Variants in CCDC171 observed in about 807,000 individuals in gnomAD.
CCDC171 encodes the protein coiled-coil domain-containing protein 171.
A neutral mutation model predicts 168.2 loss-of-function variants in CCDC171; 177 were observed. The ratio of observed to expected loss-of-function variants is 1.05; its 90% CI spans 0.93 to 1.19. The LOEUF is 1.19. Among genes scored for constraint, CCDC171 ranks in the 50% most tolerant of loss-of-function variants. The pLI is 0.00. For synonymous variants in CCDC171, 687 were observed against 540.8 expected, an observed-to-expected ratio of 1.27 and a Z score of -3.75; for missense variants, 1,991 against 1,539.0, an observed-to-expected ratio of 1.29 and a Z score of -4.91.
intron 25 of CCDC171, among the ~76,000 whole-genome samples, chr9:15,950,424 C>G (rs1828998588): frequency 6.6e-6 from 1 of 152,132 alleles, no homozygotes; most frequent in African/African-American, 2.4e-5. Flanking sequence ...CAGCAGATGT[C>G]TTGGCAGAAA....
chr9:15,996,742 A>T (rs1322187010), intron 3 of CCDC171, among the ~76,000 whole-genome samples: 4 of 152,126 alleles, frequency 2.6e-5, no homozygotes, highest in Non-Finnish European at 4.4e-5. Flanking sequence ...GAGAATTAGT[A>T]CTGAAGTATA....
intron 21 of CCDC171, among the ~76,000 whole-genome samples, chr9:15,800,494 T>C (rs10962166): frequency 0.23 from 35,421 of 152,112 alleles, 4,241 homozygotes; most frequent in Non-Finnish European, 0.26. Flanking sequence ...TTGAGCTCCT[T>C]GTATATTCTA....
intron 21 of CCDC171, among the ~76,000 whole-genome samples, chr9:15,827,738 A>C (rs1042827711): frequency 6.6e-6 from 1 of 152,002 alleles, no homozygotes. Context: ...GCCCTAGATT[A>C]TGTTTCTTTT....
chr9:15,893,328 A>G (rs958802402), intron 24 of CCDC171, among the ~76,000 whole-genome samples: 2 of 151,850 alleles, frequency 1.3e-5, no homozygotes, highest in African/African-American at 4.9e-5. Flanking sequence ...AACTATAAAA[A>G]CCTTAGAAGA....
chr9:15,877,668 G>A (rs1182068072), intron 24 of CCDC171, among the ~76,000 whole-genome samples: 1 of 152,028 alleles, frequency 6.6e-6, no homozygotes, highest in Non-Finnish European at 1.5e-5. Context: ...CATTATAATA[G>A]TGAGAAGAAT....
Position 16,018,531 on chromosome 9 carries a change from G to A in CCDC171, n.369-2058G>A, listed in dbSNP as rs116055947. Among the ~76,000 whole-genome samples the A allele has an allele frequency of 8.4e-3, 1,281 of 151,988 alleles. 18 individuals are homozygous for A. The highest frequency in any genetic ancestry group is 0.029 in the African/African-American group (1,202 of 41,452). On this transcript the variant is annotated intron_variant and non_coding_transcript_variant, in intron 3 of 9. Transcript: ENST00000486641. ...CATTTATTAACTTCTTAAATAACTC[G>A]TTTCTTCATTGAATGAATTATGATC...
At chr9:16,060,973 C>T (rs934076897) in exon 2 of CCDC171, 5 of 152,234 alleles carry the variant, frequency 3.3e-5, no homozygotes, top group African/African-American at 1.2e-4. Flanking sequence ...CATCACACAC[C>T]TGCAGTTTTT....
rs140725832 is a variant in CCDC171, at chr9:15,788,967, A to T, written c.3267+4273A>T. On this transcript the variant is annotated intron_variant, in intron 21 of 25. Coordinates refer to ENST00000380701, the MANE Select transcript of CCDC171 (RefSeq NM_173550.4). ...TTGGATTAGACATTCCCTGCAATAA[A>T]TGCACTGCATTTATTGCATAAATGC... Among the ~76,000 whole-genome samples, 6 of 151,724 alleles carry T rather than the reference A, an allele frequency of 4.0e-5. No individual in the cohort carries two copies. The East Asian group carries it at 1.2e-3, about 30-fold the overall frequency.
Position 15,591,496 on chromosome 9 carries a change from T to C in CCDC171, c.483T>C (p.Asn161=). 1 of 1,605,830 alleles carries C rather than the reference T, an allele frequency of 6.2e-7. No homozygotes were observed. The highest frequency in any genetic ancestry group is 1.1e-5 in the South Asian group (1 of 89,362). ...AGGAAAGAGACAATATGATCCAAAA[T>C]TGCAATCGAGAATATGATTTACTTA... is the stretch of plus-strand genomic sequence containing the variant. ...DLEERDNMIQ[N]CNREYDLLMK... The change falls in exon 5 of 26, where the codon AAT becomes AAC. Residue 161 remains asparagine, a synonymous_variant. Transcript: ENST00000380701.
At chr9:15,933,441 C>G (rs1237260344) in intron 25 of CCDC171, among the ~76,000 whole-genome samples, 1 of 151,580 alleles carries the variant, frequency 6.6e-6, no homozygotes, top group South Asian at 2.1e-4. Flanking sequence ...ATTTTGTTTA[C>G]TTTTCCAAAA....
At chr9:15,658,041 A>G (rs1282866995) in intron 8 of CCDC171, among the ~76,000 whole-genome samples, 1 of 152,202 alleles carries the variant, frequency 6.6e-6, no homozygotes, top group Non-Finnish European at 1.5e-5. Context: ...ATGGTCCACA[A>G]AAACTGAAAT....
In CCDC171 at chr9:15,705,840, A is replaced by T. The variant is rs138209690; in HGVS notation, c.1318+10503A>T. Among the ~76,000 whole-genome samples the T allele has an allele frequency of 2.1e-3, 320 of 152,352 alleles. 1 individual carries two copies. Among genetic ancestry groups the T allele is most frequent in the Middle Eastern group, 6.8e-3 (2 of 294 alleles). On this transcript the variant is annotated intron_variant, in intron 11 of 25. Coordinates refer to ENST00000380701, the MANE Select transcript of CCDC171 (RefSeq NM_173550.4). Reference sequence around the variant, plus strand: ...GTACTTGGCACAAAACAGTCACTCAAAAAGTATTTGTCGAATATGAATAAA... The same window carrying T: ...GTACTTGGCACAAAACAGTCACTCATAAAGTATTTGTCGAATATGAATAAA...
chr9:16,063,535 A>C (rs112517688), downstream of CCDC171, among the ~76,000 whole-genome samples: 2 of 152,172 alleles, frequency 1.3e-5, no homozygotes. Flanking sequence ...AGTATATTTC[A>C]TTTGCATTGG....
At chr9:15,583,221 C>A (rs1450129466) in intron 4 of CCDC171, among the ~76,000 whole-genome samples, 1 of 151,884 alleles carries the variant, frequency 6.6e-6, no homozygotes, top group South Asian at 2.1e-4. Flanking sequence ...TTGAGACCAT[C>A]CTGGCCAAGG....
chr9:15,714,467 A>G (rs2175080), intron 11 of CCDC171, among the ~76,000 whole-genome samples: 69,371 of 151,960 alleles, frequency 0.46, 16,161 homozygotes, highest in Non-Finnish European at 0.51. Flanking sequence ...AACTCAGTTA[A>G]TTACCTGACC....
At chr9:15,903,943 G>A (rs576948354) in intron 24 of CCDC171, among the ~76,000 whole-genome samples, 29 of 152,262 alleles carry the variant, frequency 1.9e-4, no homozygotes, top group Non-Finnish European at 3.1e-4. Context: ...AAGATCAAAT[G>A]AATGAAATGA....
intron 23 of CCDC171, among the ~76,000 whole-genome samples, chr9:15,861,235 G>A (rs541542328): frequency 1.0e-4 from 15 of 144,898 alleles, no homozygotes; most frequent in East Asian, 1.0e-3. Flanking sequence ...TTTTAAATCC[G>A]TTCAGCCACT....
rs533071169 is a variant in CCDC171, at chr9:15,944,918, A to T, written c.3753+24496A>T. Among the ~76,000 whole-genome samples the T allele has an allele frequency of 3.1e-4, 44 of 142,964 alleles. 1 individual carries two copies. Among genetic ancestry groups the T allele is most frequent in the African/African-American group, 1.1e-3 (43 of 38,258 alleles). The allele number at this position is 142,964 out of a possible 152,430, so 93.8% of individuals were successfully genotyped here. On this transcript the variant is annotated intron_variant, in intron 25 of 25. Coordinates refer to ENST00000380701, the MANE Select transcript of CCDC171 (RefSeq NM_173550.4). ...CATTATACTTTAAGTTTTAGGGTAC[A>T]TGTGCACAATATGCAGGTTAGTTAC...
At chr9:15,813,688 G>A (rs990769511) in intron 21 of CCDC171, among the ~76,000 whole-genome samples, 24 of 151,654 alleles carry the variant, frequency 1.6e-4, no homozygotes, top group African/African-American at 4.8e-4. Context: ...CAGAACATGG[G>A]CTAGAGATCT....
Sources: gnomAD v4.1 joint callset for allele counts (sites outside exome capture counted in the v4.1 genomes callset) on GRCh38, gnomAD v4.1.1 for gene constraint, MANE v1.5 for transcripts, NCBI Gene and HGNC (gene_info 2026-07-23, HGNC 2026-07-21) for gene names.